Variants in CDH8 observed in about 807,000 individuals in gnomAD.
The protein encoded by CDH8 is cadherin 8.
A neutral mutation model predicts 68.1 loss-of-function variants in CDH8; 17 were observed. The ratio of observed to expected loss-of-function variants is 0.25; its 90% CI spans 0.17 to 0.37. CDH8 has a LOEUF of 0.37. Among genes scored for constraint, CDH8 ranks in the 10% least tolerant of loss-of-function variants. The pLI, the probability that CDH8 is intolerant of heterozygous loss-of-function variation, is 1.00. For synonymous variants in CDH8, 372 were observed against 365.1 expected, an observed-to-expected ratio of 1.02 and a Z score of -0.21; for missense variants, 763 against 999.3, an observed-to-expected ratio of 0.76 and a Z score of 3.19.
intron 10 of CDH8, among the ~76,000 whole-genome samples, chr16:61,685,687 G>A (rs778144955): frequency 2.6e-5 from 4 of 151,910 alleles, no homozygotes; most frequent in African/African-American, 4.8e-5. Context: ...GCACAGCATA[G>A]CAAGGTCAAT....
At chr16:62,028,906 T>A (rs1902260240) in intron 1 of CDH8, among the ~76,000 whole-genome samples, 2 of 152,204 alleles carry the variant, frequency 1.3e-5, no homozygotes, top group Non-Finnish European at 2.9e-5. Flanking sequence ...AGAGACCTAC[T>A]GAGTGACAAC....
intron 3 of CDH8, among the ~76,000 whole-genome samples, chr16:61,868,800 T>TA (rs912718973): frequency 2.6e-5 from 4 of 152,126 alleles, no homozygotes; most frequent in African/African-American, 9.7e-5. Flanking sequence ...GAGAGTTGTT[T>TA]AAAAAATGTA....
intron 3 of CDH8, among the ~76,000 whole-genome samples, chr16:61,868,240 A>T (rs1963292307): frequency 6.6e-6 from 1 of 152,198 alleles, no homozygotes; most frequent in African/African-American, 2.4e-5. Flanking sequence ...TACATCTTCA[A>T]ATGCAGAGAA....
intron 10 of CDH8, chr16:61,667,825 G>T (rs1036310660): frequency 5.9e-5 from 9 of 152,078 alleles, no homozygotes; most frequent in African/African-American, 2.2e-4. Context: ...TACTTATGAG[G>T]AACAAAGTTT....
At chr16:61,769,111 G>C (rs1272249673) in intron 8 of CDH8, among the ~76,000 whole-genome samples, 1 of 151,702 alleles carries the variant, frequency 6.6e-6, no homozygotes, top group Non-Finnish European at 1.5e-5. Flanking sequence ...GTGCCATATA[G>C]TCTCTGGAAA....
At chr16:61,768,395 C>CTCT (rs1567461337) in intron 8 of CDH8, among the ~76,000 whole-genome samples, 2 of 23,440 alleles carry the variant, frequency 8.5e-5, no homozygotes, top group African/African-American at 4.6e-4. Flanking sequence ...TCTCTCTCTC[C>CTCT]CTTTCTCTCT....
At chr16:61,953,919 A>ATATC (rs1964939182) in intron 2 of CDH8, among the ~76,000 whole-genome samples, 1 of 143,942 alleles carries the variant, frequency 6.9e-6, no homozygotes, top group Non-Finnish European at 1.5e-5. Flanking sequence ...ATATATATAT[A>ATATC]TATATATAAA....
At chr16:61,927,923 A>G (rs1292634010) in intron 2 of CDH8, among the ~76,000 whole-genome samples, 1 of 152,250 alleles carries the variant, frequency 6.6e-6, no homozygotes, top group East Asian at 1.9e-4. Context: ...TCCCTACACT[A>G]CATACGAACA....
chr16:61,665,795 CCT>C (rs1963661281), intron 10 of CDH8, among the ~76,000 whole-genome samples: 1 of 128,490 alleles, frequency 7.8e-6, no homozygotes, highest in African/African-American at 3.1e-5. Context: ...TTCCTTCCTT[CCT>C]TCCTTCCTTT....
rs1963301537 is a variant in CDH8 at position 61,650,694 on chromosome 16, T to TGAGA, written c.*2913_*2914insTCTC. On this transcript the variant is annotated 3_prime_UTR_variant, in exon 12 of 12. Transcript: ENST00000577390. ...TGTTGTGTGTGTGTGTGTGTGTGTGTGTGTGTGTGTGTGAGAGAGAGAGAG... is the reference window on the plus strand; with the variant it reads ...TGTTGTGTGTGTGTGTGTGTGTGTGTGAGAGTGTGTGTGTGTGAGAGAGAGAGAG... 1 of 139,974 alleles carries TGAGA rather than the reference T, an allele frequency of 7.1e-6. No homozygotes were observed. Among genetic ancestry groups the TGAGA allele is most frequent in the African/African-American group, 2.9e-5 (1 of 34,068 alleles). 8.7% of individuals were successfully genotyped at this position (139,974 alleles called of 1,614,324 possible). A position where few individuals can be genotyped will look rare whatever the true frequency, so the allele number is the denominator to read the frequency against.
At chr16:61,998,941 T>C in intron 2 of CDH8, among the ~76,000 whole-genome samples, 1 of 152,146 alleles carries the variant, frequency 6.6e-6, no homozygotes, top group Non-Finnish European at 1.5e-5. Context: ...GAAGGATAGA[T>C]ATTATATGGA....
intron 4 of CDH8, among the ~76,000 whole-genome samples, chr16:61,831,771 T>C (rs989992050): frequency 6.6e-6 from 1 of 151,862 alleles, no homozygotes; most frequent in Admixed American, 6.6e-5. Flanking sequence ...TGTAATTCAC[T>C]CTTCACGGGT....
chr16:61,953,926 T>TATATATATATATATAA (rs1366207636), intron 2 of CDH8, among the ~76,000 whole-genome samples: 1 of 118,972 alleles, frequency 8.4e-6, no homozygotes, highest in African/African-American at 3.2e-5. Context: ...TATATATATA[T>TATATATATATATATAA]AAAATACCTT....
chr16:61,945,894 T>G (rs1054288201), intron 2 of CDH8, among the ~76,000 whole-genome samples: 2 of 152,220 alleles, frequency 1.3e-5, no homozygotes, highest in African/African-American at 4.8e-5. Flanking sequence ...ATTTTTCTTC[T>G]AAATCCTTTG....
intron 9 of CDH8, among the ~76,000 whole-genome samples, chr16:61,716,994 T>A (rs941560072): frequency 6.6e-6 from 1 of 151,662 alleles, no homozygotes; most frequent in South Asian, 2.1e-4. Flanking sequence ...TGTATTGACA[T>A]ACCGAGTAGA....
At chr16:61,719,283 C>T (rs1037765477) in intron 9 of CDH8, among the ~76,000 whole-genome samples, 19 of 151,110 alleles carry the variant, frequency 1.3e-4, no homozygotes, top group African/African-American at 4.6e-4. Context: ...GTCTTCAGTC[C>T]TCTGGGTAGA....
At chr16:61,917,062 AGTGTGTGTGT>A (rs57232370) in intron 2 of CDH8, among the ~76,000 whole-genome samples, 1,879 of 137,358 alleles carry the variant, frequency 0.014, 35 homozygotes, top group African/African-American at 0.037. Context: ...TTTACCTATT[AGTGTGTGTGT>A]GTGTGTGTGT....
At chr16:61,869,335 G>A (rs1445707311) in intron 3 of CDH8, among the ~76,000 whole-genome samples, 1 of 152,132 alleles carries the variant, frequency 6.6e-6, no homozygotes. Flanking sequence ...GCGTGTTGCA[G>A]GAGTGGTGGG....
intron 3 of CDH8, among the ~76,000 whole-genome samples, chr16:61,859,408 C>T (rs766918794): frequency 1.3e-5 from 2 of 152,106 alleles, no homozygotes; most frequent in Non-Finnish European, 2.9e-5. Context: ...TAAGCCTGGA[C>T]ATGAAATTAA....
Sources: gnomAD v4.1 joint callset for allele counts (sites outside exome capture counted in the v4.1 genomes callset) on GRCh38, gnomAD v4.1.1 for gene constraint, MANE v1.5 for transcripts, NCBI Gene and HGNC (gene_info 2026-07-23, HGNC 2026-07-21) for gene names.